DZIP1: variants seen among roughly 807,000 people sequenced by gnomAD.
DZIP1 encodes the protein DAZ interacting zinc finger protein 1.
DZIP1 carries 97 observed loss-of-function variants against 107.6 expected under a neutral mutation model. That is an observed-to-expected ratio of 0.90 (90% CI 0.77 to 1.07). The LOEUF (loss-of-function observed/expected upper bound fraction) is 1.07. Ranked by LOEUF, DZIP1 falls within the 50% of genes least tolerant of loss-of-function variation. The probability of loss-of-function intolerance (pLI) is 0.00; values close to 1 mark genes in which losing one functional copy is unlikely to be tolerated. For synonymous variants in DZIP1, 390 were observed against 386.4 expected, an observed-to-expected ratio of 1.01 and a Z score of -0.11; for missense variants, 1,035 against 1,063.6, an observed-to-expected ratio of 0.97 and a Z score of 0.37.
chr13:95,611,551 T>C (rs2045006415), intron 11 of DZIP1, 58 bp from the exon 12 acceptor site: 3 of 1,292,648 alleles, frequency 2.3e-6, no homozygotes, highest in South Asian at 2.4e-5. Context: ...GACACACACA[T>C]GGGATAATGG....
chr13:95,621,597 C>T (rs901684137), intron 9 of DZIP1, among the ~76,000 whole-genome samples: 7 of 151,586 alleles, frequency 4.6e-5, no homozygotes, highest in African/African-American at 1.5e-4. Context: ...TCCCCTAAAC[C>T]GCTGTCACTT....
At chr13:95,619,658 T>C (rs559158665) in intron 10 of DZIP1, among the ~76,000 whole-genome samples, 3 of 151,902 alleles carry the variant, frequency 2.0e-5, no homozygotes, top group Non-Finnish European at 2.9e-5. Flanking sequence ...TGTCACAGAA[T>C]TTTGAGACCC....
Position 95,586,145 on chromosome 13 carries a change from T to C in DZIP1, c.2219-9A>G. On this transcript the variant is annotated splice_polypyrimidine_tract_variant and intron_variant, in intron 20 of 22. Transcript: ENST00000376829. ...TGTTTTAACGGCGACTCCTATAAGA[T>C]CAATAAAAATTAGGCAAGTTAAGTA... 2.5e-6 allele frequency: 4 copies of C among 1,580,230 alleles called. No homozygotes were observed. The highest frequency in any genetic ancestry group is 3.4e-6 in the Non-Finnish European group (4 of 1,169,408).
intron 16 of DZIP1, among the ~76,000 whole-genome samples, chr13:95,591,305 G>T (rs1425250359): frequency 6.6e-6 from 1 of 152,146 alleles, no homozygotes; most frequent in Non-Finnish European, 1.5e-5. Flanking sequence ...GGGATTACAG[G>T]CATGAGCCAC....
chr13:95,624,881 C>A lies in DZIP1; in HGVS notation c.859G>T (p.Asp287Tyr). The change falls in exon 8 of 23, where the codon GAC becomes TAC. Residue 287 changes from aspartate (D) to tyrosine (Y), a missense_variant. Asp to Tyr is a radical substitution (Grantham distance 160). Transcript: ENST00000376829. ...TCCTTTTCTTCTTCTTTCCACCTGT[C>A]AAATAACTTCAAAAAGTCTTCCTCT... is the stretch of plus-strand genomic sequence containing the variant. ...TKEEDFLKLF[D>Y]RWKEEEKEKL... 6.2e-7 allele frequency: 1 copy of A among 1,611,836 alleles called. No homozygotes were observed. Among genetic ancestry groups the A allele is most frequent in the East Asian group, 2.2e-5 (1 of 44,786 alleles).
chr13:95,604,942 T>C (rs1008906035), intron 14 of DZIP1, among the ~76,000 whole-genome samples: 1 of 152,220 alleles, frequency 6.6e-6, no homozygotes, highest in Admixed American at 6.5e-5. Flanking sequence ...TTTTATCTGT[T>C]ACTGGTCTAA....
chr13:95,621,969 T>C (rs1875921497), intron 9 of DZIP1, among the ~76,000 whole-genome samples: 1 of 152,098 alleles, frequency 6.6e-6, no homozygotes, highest in Non-Finnish European at 1.5e-5. Flanking sequence ...CTACTAAAAA[T>C]ACAGTTAGCA....
intron 7 of DZIP1, among the ~76,000 whole-genome samples, chr13:95,629,599 C>T (rs2139355832): frequency 6.6e-6 from 1 of 151,966 alleles, no homozygotes; most frequent in Non-Finnish European, 1.5e-5. Flanking sequence ...TCTACACCTG[C>T]CAGGAACTGA....
intron 6 of DZIP1, among the ~76,000 whole-genome samples, chr13:95,631,874 C>G (rs1877237063): frequency 6.6e-6 from 1 of 152,170 alleles, no homozygotes; most frequent in Admixed American, 6.5e-5. Flanking sequence ...GACTTTTGTC[C>G]CCATCTGTCT....
intron 15 of DZIP1, among the ~76,000 whole-genome samples, chr13:95,596,903 G>A (rs1447916578): frequency 6.6e-6 from 1 of 152,236 alleles, no homozygotes; most frequent in African/African-American, 2.4e-5. Context: ...TTAATCTGCT[G>A]CCAGTATGTT....
intron 6 of DZIP1, among the ~76,000 whole-genome samples, chr13:95,631,803 C>T (rs866040692): frequency 6.6e-6 from 1 of 152,116 alleles, no homozygotes. Context: ...GTTATTGAAA[C>T]CAATGTCTGG....
intron 8 of DZIP1, among the ~76,000 whole-genome samples, chr13:95,623,233 G>A (rs1451063243): frequency 3.3e-5 from 5 of 152,072 alleles, no homozygotes; most frequent in Non-Finnish European, 7.4e-5. Flanking sequence ...GTTACTCATG[G>A]CAAAAACCCT....
intron 14 of DZIP1, among the ~76,000 whole-genome samples, chr13:95,600,387 G>A (rs906652177): frequency 1.3e-5 from 2 of 152,072 alleles, no homozygotes; most frequent in African/African-American, 4.8e-5. Context: ...CCTGGGAGTG[G>A]GTGATGAGCC....
At chr13:95,638,152 T>C (rs2139453213) in intron 5 of DZIP1, among the ~76,000 whole-genome samples, 1 of 144,552 alleles carries the variant, frequency 6.9e-6, no homozygotes, top group East Asian at 2.1e-4. Flanking sequence ...AGCAATGGCG[T>C]GATCCCAGCT....
chr13:95,612,025 C>T lies in DZIP1; in HGVS notation c.1314+12G>A, dbSNP rs754202651. 3 of 1,612,024 alleles carry T rather than the reference C, an allele frequency of 1.9e-6. No individual in the cohort carries two copies. Among genetic ancestry groups the T allele is most frequent in the Admixed American group, 1.7e-5 (1 of 59,792 alleles). ...TTAAAGAAGCACGGTGCCACACTGC[C>T]GCCAGACATACCTGCTGTCTCTGAG... is the stretch of plus-strand genomic sequence containing the variant. On this transcript the variant is annotated intron_variant, in intron 11 of 22. Transcript: ENST00000376829.
intron 7 of DZIP1, 33 bp downstream of exon 7, chr13:95,629,956 G>A (rs767734940): frequency 1.2e-5 from 19 of 1,567,452 alleles, no homozygotes; most frequent in East Asian, 6.8e-5. Context: ...ACAGTTAATT[G>A]TAATTAAAAT....
intron 12 of DZIP1, among the ~76,000 whole-genome samples, chr13:95,610,118 G>GAGAGAGACAGAGAC (rs1566390409): frequency 8.2e-5 from 12 of 145,654 alleles, no homozygotes; most frequent in Admixed American, 3.4e-4. Flanking sequence ...GTGTGAGAGA[G>GAGAGAGACAGAGAC]AGACAGAGAG....
intron 8 of DZIP1, 34 bp downstream of exon 8, chr13:95,624,734 C>A: frequency 1.3e-6 from 2 of 1,560,778 alleles, no homozygotes; most frequent in Non-Finnish European, 1.7e-6. Context: ...TCAAGGCAAT[C>A]AATACCATAA....
intron 7 of DZIP1, among the ~76,000 whole-genome samples, chr13:95,627,706 A>G (rs1443350504): frequency 9.9e-5 from 15 of 152,238 alleles, no homozygotes; most frequent in Admixed American, 9.8e-4. Context: ...TGGTACAGCT[A>G]CTGTGGAAGA....
Sources: allele counts gnomAD v4.1 joint callset (sites outside exome capture counted in the v4.1 genomes callset), GRCh38; gene constraint gnomAD v4.1.1; transcripts MANE v1.5; gene names NCBI Gene and HGNC (gene_info 2026-07-23, HGNC 2026-07-21).